The following ATAD2B variants were observed in gnomAD, a reference collection of about 807,000 sequenced individuals.
ATAD2B encodes ATPase family AAA domain-containing protein 2B.
A neutral mutation model predicts 167.6 loss-of-function variants in ATAD2B; 40 were observed. The observed-to-expected ratio is 0.24, with a 90% CI of 0.19 to 0.31. The LOEUF is 0.31. ATAD2B is among the 10% of genes least tolerant of loss of function. ATAD2B has a pLI of 1.00. For synonymous variants in ATAD2B, 579 were observed against 596.5 expected, an observed-to-expected ratio of 0.97 and a Z score of 0.43; for missense variants, 1,242 against 1,757.2, an observed-to-expected ratio of 0.71 and a Z score of 5.24.
At chr2:23,920,285 CGAGTA>C (rs1703720713) in intron 1 of ATAD2B, among the ~76,000 whole-genome samples, 2 of 152,164 alleles carry the variant, frequency 1.3e-5, no homozygotes, top group Admixed American at 6.5e-5. Flanking sequence ...AAACATTCGA[CGAGTA>C]GAGGACCAGA....
the ATAD2B span, among the ~76,000 whole-genome samples, chr2:23,730,335 G>GA: frequency 6.6e-6 from 1 of 152,010 alleles, no homozygotes; most frequent in Non-Finnish European, 1.5e-5. Context: ...AATCTCAAGG[G>GA]AAAGTAGAAA....
intron 1 of ATAD2B, among the ~76,000 whole-genome samples, chr2:23,910,156 GTCCACTCT>G (rs903179537): frequency 6.8e-6 from 1 of 146,758 alleles, no homozygotes; most frequent in Non-Finnish European, 1.5e-5. Context: ...GAGCCACTGT[GTCCACTCT>G]TGCATACTCT....
the ATAD2B span, chr2:23,689,194 A>T: frequency 6.6e-6 from 1 of 152,258 alleles, no homozygotes; most frequent in African/African-American, 2.4e-5. Context: ...CCTGCAGATC[A>T]TCTGCCCAGC....
At chr2:23,856,482 G>C in intron 13 of ATAD2B, 1 of 405,254 alleles carries the variant, frequency 2.5e-6, no homozygotes, top group Non-Finnish European at 5.0e-6. Flanking sequence ...TCAGATGGTA[G>C]ATTGAAAAAT....
rs1573245082 is a variant in ATAD2B, at chr2:23,884,769, T to C, written c.780A>G (p.Glu260=). The change falls in exon 6 of 28, where the codon GAA becomes GAG. Residue 260 remains glutamate, a synonymous_variant. Coordinates refer to ENST00000238789, the MANE Select transcript of ATAD2B (RefSeq NM_017552.4). ...NHHEVSTEGE[E]EESQEEDGDI... is the part of the protein sequence containing the mutation. ...TCCAAAAAGTGCTTTACAAACCTTC[T>C]TCTTCACCCTCAGTAGAAACTTCAT... The C allele has an allele frequency of 6.4e-7, 1 of 1,572,432 alleles. No individual in the cohort carries two copies. The highest frequency in any genetic ancestry group is 8.6e-7 in the Non-Finnish European group (1 of 1,160,284).
the ATAD2B span, chr2:23,706,645 A>C: frequency 3.3e-6 from 5 of 1,530,014 alleles, no homozygotes; most frequent in Non-Finnish European, 3.5e-6. Flanking sequence ...GTGATAAAGA[A>C]ATATATTCAA....
chr2:23,855,884 G>C (rs776140367), intron 13 of ATAD2B: 1 of 151,902 alleles, frequency 6.6e-6, no homozygotes, highest in Non-Finnish European at 1.5e-5. Context: ...ATGAGATCCA[G>C]TCTCTTAAAA....
At chr2:23,745,465 G>GAAGGA (rs1558476316), downstream of ATAD2B, among the ~76,000 whole-genome samples, 11 of 150,576 alleles carry the variant, frequency 7.3e-5, no homozygotes, top group Non-Finnish European at 1.3e-4. Context: ...GGAAGGAAAG[G>GAAGGA]AAGGAAGGAA....
chr2:23,923,954 G>A (rs905529911), intron 1 of ATAD2B, among the ~76,000 whole-genome samples: 2 of 151,970 alleles, frequency 1.3e-5, no homozygotes, highest in African/African-American at 4.8e-5. Context: ...AGGCCGAGGC[G>A]GGCTGATGAC....
intron 17 of ATAD2B, among the ~76,000 whole-genome samples, chr2:23,814,483 G>A (rs1366113360): frequency 6.6e-6 from 1 of 152,098 alleles, no homozygotes; most frequent in African/African-American, 2.4e-5. Context: ...AGGCATTCCT[G>A]GAAAAGTGTT....
the ATAD2B span, among the ~76,000 whole-genome samples, chr2:23,701,760 C>A: frequency 6.6e-6 from 1 of 151,164 alleles, no homozygotes; most frequent in East Asian, 1.9e-4. Flanking sequence ...TAAAGCCCAA[C>A]TCCTTTAGCT....
the ATAD2B span, among the ~76,000 whole-genome samples, chr2:23,686,082 C>T: frequency 1.3e-5 from 2 of 152,086 alleles, no homozygotes; most frequent in African/African-American, 2.4e-5. Context: ...GTAGTGAAGG[C>T]TTCTTGGGCT....
intron 1 of ATAD2B, among the ~76,000 whole-genome samples, chr2:23,903,659 C>G (rs1212748493): frequency 1.3e-5 from 2 of 152,184 alleles, no homozygotes; most frequent in Non-Finnish European, 2.9e-5. Context: ...AGGAAGGCTT[C>G]ATGCCCAGAT....
At chr2:23,848,750 A>T (rs1021010990) in intron 13 of ATAD2B, among the ~76,000 whole-genome samples, 4 of 152,242 alleles carry the variant, frequency 2.6e-5, no homozygotes, top group African/African-American at 9.6e-5. Context: ...AGGGAAAACA[A>T]GAAACAGGCT....
chr2:23,734,566 A>C, the ATAD2B span, among the ~76,000 whole-genome samples: 178 of 152,348 alleles, frequency 1.2e-3, no homozygotes, highest in East Asian at 8.5e-3. Flanking sequence ...AACATGGCAA[A>C]GATGCAGGGG....
the ATAD2B span, among the ~76,000 whole-genome samples, chr2:23,737,168 A>T: frequency 6.6e-6 from 1 of 152,216 alleles, no homozygotes; most frequent in Non-Finnish European, 1.5e-5. Context: ...TGCAGACTTA[A>T]ATGTCCCTCT....
chr2:23,839,549 TC>T lies in ATAD2B; in HGVS notation c.1569-5472del, dbSNP rs574283415. 6.1e-4 allele frequency among the ~76,000 whole-genome samples: 93 copies of T among 152,188 alleles called. 1 individual carries two copies. The highest frequency in any genetic ancestry group is 3.3e-3 in the South Asian group (16 of 4,820). On this transcript the variant is annotated intron_variant, in intron 13 of 27. Transcript: ENST00000238789. The stretch of plus-strand genomic sequence containing the variant: ...TGTGATAAATTAACATTAACTGACT[TC>T]CCTCATATTAAATAAACCTTGTATA...
chr2:23,840,681 A>C (rs1381631353), intron 13 of ATAD2B, among the ~76,000 whole-genome samples: 1 of 152,192 alleles, frequency 6.6e-6, no homozygotes, highest in Non-Finnish European at 1.5e-5. Flanking sequence ...TGTCCATTCT[A>C]TATTTGTCTT....
At chr2:23,773,130 A>G (rs764790624) in intron 22 of ATAD2B, among the ~76,000 whole-genome samples, 10 of 152,242 alleles carry the variant, frequency 6.6e-5, no homozygotes, top group African/African-American at 9.6e-5. Context: ...GCATATAATC[A>G]CAAACTTAGA....
Sources: gnomAD v4.1 joint callset for allele counts (sites outside exome capture counted in the v4.1 genomes callset) on GRCh38, gnomAD v4.1.1 for gene constraint, MANE v1.5 for transcripts, NCBI Gene and HGNC (gene_info 2026-07-23, HGNC 2026-07-21) for gene names.